MSRB3: variants seen among roughly 807,000 people sequenced by gnomAD.
MSRB3 encodes the protein methionine sulfoxide reductase B3.
MSRB3 carries 13 observed loss-of-function variants against 21.0 expected under a neutral mutation model. The ratio of observed to expected loss-of-function variants is 0.62; its 90% CI spans 0.40 to 0.98. The LOEUF (loss-of-function observed/expected upper bound fraction) is 0.98, where lower values mean the gene tolerates loss of function less well. MSRB3 is among the 50% of genes least tolerant of loss of function. The pLI is 0.00. For missense variants in MSRB3, 199 were observed against 230.3 expected (o/e 0.86, Z 0.88); for synonymous variants, 87 against 88.6 (o/e 0.98, Z 0.10).
At chr12:65,331,226 A>T (rs1424076658) in intron 4 of MSRB3, among the ~76,000 whole-genome samples, 1 of 152,256 alleles carries the variant, frequency 6.6e-6, no homozygotes, top group Non-Finnish European at 1.5e-5. Context: ...GTCAGGACAC[A>T]GAATACACAG....
At chr12:65,428,719 CT>C (rs1337270986) in intron 5 of MSRB3, among the ~76,000 whole-genome samples, 3 of 151,970 alleles carry the variant, frequency 2.0e-5, no homozygotes, top group Non-Finnish European at 4.4e-5. Context: ...CAATCAAAGG[CT>C]TTCATGACCT....
chr12:65,463,447 TTTC>T lies in MSRB3; in HGVS notation c.*131_*133del. ...GGGCAGTTTTGTGCTATTGATATTT[TTTC>T]TTCTTTTGCTTAAACAGAAGCCCTG... On this transcript the variant is annotated 3_prime_UTR_variant, in exon 7 of 7. Coordinates refer to ENST00000308259, the MANE Select transcript of MSRB3 (RefSeq NM_001031679.3). The T allele has an allele frequency of 8.1e-7, 1 of 1,234,658 alleles. No individual in the cohort carries two copies. The highest frequency in any genetic ancestry group is 1.1e-6 in the Non-Finnish European group (1 of 893,282). 76.5% of individuals were successfully genotyped at this position (1,234,658 alleles called of 1,614,324 possible). A position where few individuals can be genotyped will look rare whatever the true frequency, so the allele number is the denominator to read the frequency against.
intron 2 of MSRB3, among the ~76,000 whole-genome samples, chr12:65,309,200 C>A (rs1203546710): frequency 6.6e-6 from 1 of 152,102 alleles, no homozygotes; most frequent in African/African-American, 2.4e-5. Flanking sequence ...TAAATTAGAA[C>A]CACTGTACTT....
At chr12:65,338,055 G>A (rs1440934833) in intron 4 of MSRB3, among the ~76,000 whole-genome samples, 1 of 152,100 alleles carries the variant, frequency 6.6e-6, no homozygotes, top group Non-Finnish European at 1.5e-5. Context: ...AATAAATACA[G>A]TTTAATCCTG....
chr12:65,295,359 A>G (rs1428907960), intron 1 of MSRB3, among the ~76,000 whole-genome samples: 1 of 152,210 alleles, frequency 6.6e-6, no homozygotes, highest in Non-Finnish European at 1.5e-5. Flanking sequence ...ACTATTGTCG[A>G]ATAGTTGACA....
intron 1 of MSRB3, among the ~76,000 whole-genome samples, chr12:65,304,370 A>T (rs778660842): frequency 5.3e-5 from 8 of 152,234 alleles, no homozygotes; most frequent in Non-Finnish European, 8.8e-5. Flanking sequence ...CTTAACACAT[A>T]ATGTGATACT....
intron 2 of MSRB3, among the ~76,000 whole-genome samples, chr12:65,313,885 G>T (rs963365934): frequency 6.6e-6 from 1 of 152,068 alleles, no homozygotes; most frequent in Admixed American, 6.6e-5. Context: ...TGATTAAATG[G>T]TATCCACTTT....
intron 4 of MSRB3, among the ~76,000 whole-genome samples, chr12:65,350,014 G>A (rs969422730): frequency 2.2e-4 from 34 of 151,168 alleles, no homozygotes; most frequent in South Asian, 1.5e-3. Flanking sequence ...TGATGCCTAG[G>A]TTTTCTTCTA....
At chr12:65,463,058 C>G in intron 6 of MSRB3, 97 bp from the exon 7 acceptor site, 2 of 1,418,658 alleles carry the variant, frequency 1.4e-6, no homozygotes, top group Non-Finnish European at 2.0e-6. Context: ...CTTCATTTCT[C>G]TACAGGCTGG....
At chr12:65,351,191 A>G (rs1393147749) in intron 4 of MSRB3, among the ~76,000 whole-genome samples, 1 of 151,894 alleles carries the variant, frequency 6.6e-6, no homozygotes, top group Non-Finnish European at 1.5e-5. Context: ...TGGAAACTGA[A>G]CAACCTGCTC....
chr12:65,421,007 G>A (rs1336290614), intron 5 of MSRB3, among the ~76,000 whole-genome samples: 1 of 151,720 alleles, frequency 6.6e-6, no homozygotes, highest in Non-Finnish European at 1.5e-5. Context: ...GGGTGTAATG[G>A]TAGTTCCACT....
intron 4 of MSRB3, among the ~76,000 whole-genome samples, chr12:65,344,428 A>G (rs759053829): frequency 3.9e-5 from 6 of 152,036 alleles, no homozygotes; most frequent in Non-Finnish European, 8.8e-5. Flanking sequence ...AGAGAAACTC[A>G]GGAGACAATG....
intron 4 of MSRB3, among the ~76,000 whole-genome samples, chr12:65,364,569 G>A (rs746205948): frequency 1.3e-5 from 2 of 152,048 alleles, no homozygotes; most frequent in African/African-American, 2.4e-5. Flanking sequence ...AAATAAACAC[G>A]TAAAAATATG....
chr12:65,287,658 A>C (rs1225984022), intron 1 of MSRB3, among the ~76,000 whole-genome samples: 1 of 152,194 alleles, frequency 6.6e-6, no homozygotes, highest in South Asian at 2.1e-4. Context: ...ATTGAGAGCA[A>C]AAAGGAAAAA....
At chr12:65,353,297 G>T (rs1437022524) in intron 4 of MSRB3, among the ~76,000 whole-genome samples, 1 of 152,060 alleles carries the variant, frequency 6.6e-6, no homozygotes, top group Admixed American at 6.6e-5. Context: ...TTTCTATCTC[G>T]TTGATCTGTC....
intron 6 of MSRB3, among the ~76,000 whole-genome samples, chr12:65,457,630 A>G (rs1285579933): frequency 6.6e-6 from 1 of 152,166 alleles, no homozygotes; most frequent in Admixed American, 6.5e-5. Context: ...CTTTTGCACA[A>G]CAAAAGAAAC....
chr12:65,354,596 C>T (rs530972123), intron 4 of MSRB3, among the ~76,000 whole-genome samples: 4 of 151,880 alleles, frequency 2.6e-5, no homozygotes, highest in Non-Finnish European at 4.4e-5. Context: ...AAGGACTTCT[C>T]GGCATTGGTT....
rs141285646 is a variant in MSRB3 at position 65,311,250 on chromosome 12, C to A, written c.76+2595C>A. Among the ~76,000 whole-genome samples, 12 of 152,096 alleles carry A rather than the reference C, an allele frequency of 7.9e-5. No homozygotes were observed. In the South Asian group the frequency reaches 8.3e-4, roughly 10 times the overall value. On this transcript the variant is annotated intron_variant, in intron 2 of 6. Coordinates refer to ENST00000308259, the MANE Select transcript of MSRB3 (RefSeq NM_001031679.3). ...ATACAAGAGATTTCTTTTATTCTTA[C>A]TACCCAGTACTGGTAAAAGCCCAAA...
At chr12:65,382,018 A>G (rs545211924) in intron 5 of MSRB3, among the ~76,000 whole-genome samples, 6 of 152,220 alleles carry the variant, frequency 3.9e-5, no homozygotes, top group Non-Finnish European at 5.9e-5. Flanking sequence ...TCATAAGTGA[A>G]TGAATGACAT....
Sources: allele counts gnomAD v4.1 joint callset (sites outside exome capture counted in the v4.1 genomes callset), GRCh38; gene constraint gnomAD v4.1.1; transcripts MANE v1.5; gene names NCBI Gene and HGNC (gene_info 2026-07-23, HGNC 2026-07-21).